Variants in EIF2AK3 observed in about 807,000 individuals in gnomAD.
EIF2AK3 encodes eukaryotic translation initiation factor 2-alpha kinase 3.
Under a neutral mutation model 113.5 loss-of-function variants are expected in EIF2AK3, and 50 were observed. That is an observed-to-expected ratio of 0.44 (90% CI 0.35 to 0.56). The LOEUF (loss-of-function observed/expected upper bound fraction) is 0.56, where lower values mean the gene tolerates loss of function less well. Ranked by LOEUF, EIF2AK3 falls within the 20% of genes least tolerant of loss-of-function variation. EIF2AK3 has a pLI of 0.00. For missense variants in EIF2AK3, 1,185 were observed against 1,378.0 expected, an observed-to-expected ratio of 0.86 and a Z score of 2.22; for synonymous variants, 448 against 495.4, an observed-to-expected ratio of 0.90 and a Z score of 1.27.
chr2:88,583,474 A>G lies in EIF2AK3; in HGVS notation c.1719T>C (p.Asn573=), dbSNP rs137927384. The G allele has an allele frequency of 1.2e-4, 192 of 1,613,174 alleles. 2 individuals are homozygous for G. Among genetic ancestry groups the G allele is most frequent in the Non-Finnish European group, 2.8e-5 (33 of 1,179,688 alleles). ...NKYDSVSGEA[N]DSSWNDIKNS... is the part of the protein sequence containing the mutation. ...TTTTTATGTCATTCCAGCTACTGTC[A>G]TTGGCTTCACCACTTACAGAATCAT... Residue 573 remains asparagine, a synonymous_variant, in exon 10 of 17, where the codon AAT becomes AAC. Coordinates refer to ENST00000303236, the MANE Select transcript of EIF2AK3 (RefSeq NM_004836.7).
Position 88,579,531 on chromosome 2 carries a change from G to C in EIF2AK3, c.1873C>G (p.Arg625Gly), listed in dbSNP as rs770192517. 1.9e-6 allele frequency: 3 copies of C among 1,613,660 alleles called. No homozygotes were observed. Among genetic ancestry groups the C allele is most frequent in the Admixed American group, 1.7e-5 (1 of 59,996 alleles). Residue 625 changes from arginine to glycine, a missense_variant, in exon 11 of 17, where the codon CGT (arginine) becomes GGT (glycine). Arg to Gly is a moderately radical substitution (Grantham distance 125). This residue lies in a region of EIF2AK3 where 877 missense variants were observed against 1,024.2 expected (regional missense o/e 0.86). Transcript: ENST00000303236. ...ACCACCCATTACCTATTGGGGAGAC[G>C]GATCCTCTTGATAGCATAATTGCAG... ...DDCNYAIKRI[R>G]LPNRELAREK...
Position 88,588,919 on chromosome 2 carries a change from T to C in EIF2AK3, c.1166-18A>G. ...ATACATTCCTGAATCAACCAGAACA[T>C]TGTCAATTATGCATTGATTTTTTTA... On this transcript the variant is annotated intron_variant, in intron 6 of 16. Coordinates refer to ENST00000303236, the MANE Select transcript of EIF2AK3 (RefSeq NM_004836.7). The C allele has an allele frequency of 4.3e-6, 7 of 1,612,418 alleles. No homozygotes were observed. Among genetic ancestry groups the C allele is most frequent in the South Asian group, 1.1e-5 (1 of 90,612 alleles).
chr2:88,594,606 G>A (rs535676311), intron 3 of EIF2AK3, among the ~76,000 whole-genome samples: 1 of 152,230 alleles, frequency 6.6e-6, no homozygotes, highest in Non-Finnish European at 1.5e-5. Context: ...AGAAAGTCTA[G>A]ATTATTAACA....
chr2:88,578,369 G>A (rs897167147), intron 11 of EIF2AK3, among the ~76,000 whole-genome samples: 1 of 151,948 alleles, frequency 6.6e-6, no homozygotes, highest in South Asian at 2.1e-4. Context: ...CCAACACGGT[G>A]AAACACTGTC....
chr2:88,593,366 C>T lies in EIF2AK3; in HGVS notation c.673G>A (p.Asp225Asn), dbSNP rs367754154. The change falls in exon 4 of 17, where the codon GAT becomes AAT. Residue 225 changes from aspartate to asparagine, a missense_variant. Asp to Asn is a conservative substitution (Grantham distance 23, BLOSUM62 1). Coordinates refer to ENST00000303236, the MANE Select transcript of EIF2AK3 (RefSeq NM_004836.7). ...ICSALGCRQW[D>N]SDEMEQEEDI... ...TCCTCTTGTTCCATTTCGTCACTAT[C>T]CCATTGGCGACAACCCAGAGCTGAA... is the stretch of plus-strand genomic sequence containing the variant. 1.2e-6 allele frequency: 2 copies of T among 1,613,982 alleles called. No individual in the cohort carries two copies. The highest frequency in any genetic ancestry group is 2.2e-5 in the South Asian group (2 of 91,072).
In EIF2AK3 at chr2:88,627,404, G is replaced by T; in HGVS notation, c.-130C>A. 8.5e-7 allele frequency: 1 copy of T among 1,177,256 alleles called. No individual in the cohort carries two copies. Among genetic ancestry groups the T allele is most frequent in the Non-Finnish European group, 1.1e-6 (1 of 912,474 alleles). 72.9% of individuals were successfully genotyped at this position (1,177,256 alleles called of 1,614,324 possible). A position where few individuals can be genotyped will look rare whatever the true frequency, so the allele number is the denominator to read the frequency against. ...GCCGCCCCGACGGCCTGGACAGCCA[G>T]CCGTGTTCCCCTGGCCACGTCTCAG... On this transcript the variant is annotated 5_prime_UTR_variant, in exon 1 of 17. The change creates a new upstream start codon in the 5' untranslated region. Coordinates refer to ENST00000303236, the MANE Select transcript of EIF2AK3 (RefSeq NM_004836.7).
rs74833071 is a variant in EIF2AK3 at position 88,577,108 on chromosome 2, C to T, written c.1887-405G>A. Among the ~76,000 whole-genome samples, 11 of 151,930 alleles carry T rather than the reference C, an allele frequency of 7.2e-5. No homozygotes were observed. In the South Asian group the frequency reaches 2.3e-3, roughly 32 times the overall value. ...AAGTGATTCTCATGCCTCAGCCTCC[C>T]GAGTAGCTGGGATTACAGATGCGCA... is the stretch of plus-strand genomic sequence containing the variant. On this transcript the variant is annotated intron_variant, in intron 11 of 16. Coordinates refer to ENST00000303236, the MANE Select transcript of EIF2AK3 (RefSeq NM_004836.7).
chr2:88,559,890 A>G (rs1422538332), intron 15 of EIF2AK3, among the ~76,000 whole-genome samples: 1 of 152,082 alleles, frequency 6.6e-6, no homozygotes, highest in Non-Finnish European at 1.5e-5. Context: ...CTACTTTTGG[A>G]TATTAGAAAT....
At chr2:88,606,271 T>A (rs145868938) in intron 2 of EIF2AK3, among the ~76,000 whole-genome samples, 1 of 150,206 alleles carries the variant, frequency 6.7e-6, no homozygotes, top group Non-Finnish European at 1.5e-5. Flanking sequence ...ATTCATGACA[T>A]AAACAATGTA....
rs200315616 is a variant in EIF2AK3 at position 88,590,571 on chromosome 2, T to C, written c.1037A>G (p.Lys346Arg). Reference sequence around the variant, plus strand: ...ACTGATGGGAATGACTTTCCCATCCTTAAGTAACCAGGCAGATGCAATTGG... The same window carrying C: ...ACTGATGGGAATGACTTTCCCATCCCTAAGTAACCAGGCAGATGCAATTGG... ...CTPIASAWLLKDGKVIPISLF... is the reference protein window; with the variant it reads ...CTPIASAWLLRDGKVIPISLF... Residue 346 changes from lysine (K) to arginine (R), a missense_variant, in exon 6 of 17, where the codon AAG becomes AGG. Coordinates refer to ENST00000303236, the MANE Select transcript of EIF2AK3 (RefSeq NM_004836.7). 2.0e-5 allele frequency: 32 copies of C among 1,613,380 alleles called. No individual in the cohort carries two copies. The African/African-American group carries it at 2.9e-4, about 15-fold the overall frequency.
At chr2:88,605,644 A>G (rs1675251956) in intron 2 of EIF2AK3, among the ~76,000 whole-genome samples, 1 of 152,186 alleles carries the variant, frequency 6.6e-6, no homozygotes, top group Non-Finnish European at 1.5e-5. Context: ...TAACAAGTAT[A>G]TGTCTGTATA....
intron 1 of EIF2AK3, among the ~76,000 whole-genome samples, chr2:88,622,188 C>T (rs114400490): frequency 0.044 from 6,633 of 152,206 alleles, 175 homozygotes; most frequent in Non-Finnish European, 0.057. Context: ...TGAGCCACCA[C>T]GCCCGGCCCT....
chr2:88,593,219 G>A (rs1488420980), intron 4 of EIF2AK3, 53 bp downstream of exon 4: 3 of 1,604,330 alleles, frequency 1.9e-6, no homozygotes, highest in Non-Finnish European at 2.6e-6. Flanking sequence ...ATAAATTTTG[G>A]TATTAGGTGT....
intron 2 of EIF2AK3, among the ~76,000 whole-genome samples, chr2:88,604,837 C>T (rs1224322801): frequency 6.6e-6 from 1 of 152,082 alleles, no homozygotes; most frequent in African/African-American, 2.4e-5. Context: ...CCATAAAGCA[C>T]ATGAAGAATT....
intron 4 of EIF2AK3, 115 bp from the exon 5 acceptor site, chr2:88,591,167 A>G: frequency 2.1e-6 from 2 of 957,260 alleles, no homozygotes; most frequent in Admixed American, 2.2e-5. Flanking sequence ...GAGAAAACTA[A>G]CAACATAACC....
chr2:88,591,894 T>G (rs1024116295), intron 4 of EIF2AK3, among the ~76,000 whole-genome samples: 1 of 152,030 alleles, frequency 6.6e-6, no homozygotes, highest in East Asian at 1.9e-4. Flanking sequence ...CTCAAACACT[T>G]AAAAAAACAA....
At chr2:88,602,659 C>A (rs866599919) in intron 2 of EIF2AK3, among the ~76,000 whole-genome samples, 6 of 152,142 alleles carry the variant, frequency 3.9e-5, no homozygotes, top group African/African-American at 1.4e-4. Flanking sequence ...TTACAACTTA[C>A]AAATAAAAAG....
Position 88,587,993 on chromosome 2 carries a change from T to G in EIF2AK3, c.1418A>C (p.Gln473Pro). The G allele has an allele frequency of 6.3e-7, 1 of 1,577,974 alleles. No individual in the cohort carries two copies. Among genetic ancestry groups the G allele is most frequent in the Non-Finnish European group, 8.7e-7 (1 of 1,155,328 alleles). ...GTATTTTCACTTACCATATGGATAC[T>G]GCAAGATTGAAAGTGCACCATTACT... ...EYSNGALSIL[Q>P]YPYDNGYYLP... The change falls in exon 8 of 17, where the codon CAG (glutamine) becomes CCG (proline). Residue 473 changes from glutamine to proline, a missense_variant. This residue lies in a region of EIF2AK3 where 877 missense variants were observed against 1,024.2 expected (regional missense o/e 0.86). Coordinates refer to ENST00000303236, the MANE Select transcript of EIF2AK3 (RefSeq NM_004836.7).
At chr2:88,560,782 G>C (rs943906497) in intron 15 of EIF2AK3, among the ~76,000 whole-genome samples, 1 of 147,756 alleles carries the variant, frequency 6.8e-6, no homozygotes, top group African/African-American at 2.5e-5. Context: ...CAGAACATTT[G>C]GTAGGTCCTT....
Sources: gnomAD v4.1 joint callset for allele counts (sites outside exome capture counted in the v4.1 genomes callset) on GRCh38, gnomAD v4.1.1 for gene constraint, gnomAD v4.1.1 regional missense constraint, MANE v1.5 for transcripts, NCBI Gene and HGNC (gene_info 2026-07-23, HGNC 2026-07-21) for gene names.